Variants in CPLX4 observed in about 807,000 individuals in gnomAD.
CPLX4 encodes complexin 4.
In CPLX4, 17 loss-of-function variants were observed where a neutral mutation model predicts 16.1. That is an observed-to-expected ratio of 1.06 (90% CI 0.72 to 1.59). The LOEUF is 1.59. Among genes scored for constraint, CPLX4 ranks in the 40% most tolerant of loss-of-function variants. The pLI, the probability that CPLX4 is intolerant of heterozygous loss-of-function variation, is 0.00. For synonymous variants in CPLX4, 55 were observed against 57.8 expected (o/e 0.95, Z 0.22); for missense variants, 193 against 192.9 (o/e 1.00, Z 0.00).
intron 2 of CPLX4, among the ~76,000 whole-genome samples, chr18:59,305,838 C>A (rs1455145256): frequency 6.6e-6 from 1 of 152,138 alleles, no homozygotes; most frequent in Non-Finnish European, 1.5e-5. Flanking sequence ...AAGAGCCAGC[C>A]AAGGGGGCAC....
intron 2 of CPLX4, among the ~76,000 whole-genome samples, chr18:59,305,398 C>G (rs759885539): frequency 6.6e-6 from 1 of 152,068 alleles, no homozygotes; most frequent in African/African-American, 2.4e-5. Flanking sequence ...AGGAAAGAAA[C>G]AGGATCAGAT....
intron 2 of CPLX4, among the ~76,000 whole-genome samples, chr18:59,310,782 G>A (rs1201555928): frequency 6.6e-6 from 1 of 151,778 alleles, no homozygotes; most frequent in Admixed American, 6.6e-5. Flanking sequence ...TTCTATTGCT[G>A]CTGCATAAAT....
At position 59,312,723 on chromosome 18, in the gene CPLX4, G is replaced by T; in HGVS notation, c.217C>A (p.Leu73Ile). 1 of 1,472,194 alleles carries T rather than the reference G, an allele frequency of 6.8e-7. No homozygotes were observed. Among genetic ancestry groups the T allele is most frequent in the Non-Finnish European group, 9.5e-7 (1 of 1,050,878 alleles). 91.2% of individuals were successfully genotyped at this position (1,472,194 alleles called of 1,614,324 possible). Reference sequence around the variant, plus strand: ...TATTTTTCTCTGAGATGAACTCTGAGGCATGCCCTTTCTGCCTTTTTCTGT... The same window carrying T: ...TATTTTTCTCTGAGATGAACTCTGATGCATGCCCTTTCTGCCTTTTTCTGT... ...FTQKKAERAC[L>I]RVHLREKYRL... The change falls in exon 2 of 3, where the codon CTC becomes ATC. Residue 73 changes from leucine to isoleucine, a missense_variant. Transcript: ENST00000299721.
At chr18:59,317,875 T>C (rs1275839072) in intron 1 of CPLX4, among the ~76,000 whole-genome samples, 3 of 152,032 alleles carry the variant, frequency 2.0e-5, no homozygotes, top group Non-Finnish European at 2.9e-5. Context: ...TATGTTATTT[T>C]AGGCCCTTTT....
intron 2 of CPLX4, among the ~76,000 whole-genome samples, chr18:59,305,843 G>C (rs2070573081): frequency 6.6e-6 from 1 of 152,168 alleles, no homozygotes; most frequent in Non-Finnish European, 1.5e-5. Context: ...CCAGCCAAGG[G>C]GGCACCCCGG....
chr18:59,317,991 A>T (rs1436447931), intron 1 of CPLX4, among the ~76,000 whole-genome samples: 1 of 152,106 alleles, frequency 6.6e-6, no homozygotes, highest in African/African-American at 2.4e-5. Context: ...TTTTCATCTA[A>T]ATAATTAAAT....
At chr18:59,304,722 C>T (rs1021050404) in intron 2 of CPLX4, among the ~76,000 whole-genome samples, 1 of 152,140 alleles carries the variant, frequency 6.6e-6, no homozygotes, top group Non-Finnish European at 1.5e-5. Flanking sequence ...CAGGCATGCG[C>T]CACCATGCCC....
chr18:59,316,668 A>G (rs1034643415), intron 1 of CPLX4, among the ~76,000 whole-genome samples: 1 of 152,206 alleles, frequency 6.6e-6, no homozygotes, highest in African/African-American at 2.4e-5. Flanking sequence ...AAAGCTGAGT[A>G]GCTGACAACT....
At chr18:59,304,368 T>C (rs1309566545) in intron 2 of CPLX4, among the ~76,000 whole-genome samples, 2 of 152,236 alleles carry the variant, frequency 1.3e-5, no homozygotes, top group Non-Finnish European at 2.9e-5. Flanking sequence ...TTAGAAAGAA[T>C]CTTGTAGCTT....
chr18:59,300,962 G>T (rs543378804), intron 2 of CPLX4, among the ~76,000 whole-genome samples: 39 of 152,290 alleles, frequency 2.6e-4, no homozygotes, highest in African/African-American at 9.1e-4. Context: ...CCTCTTGTCA[G>T]GCCCGCCCCT....
chr18:59,299,860 G>C (rs2070528081), intron 2 of CPLX4, among the ~76,000 whole-genome samples: 1 of 152,194 alleles, frequency 6.6e-6, no homozygotes, highest in Non-Finnish European at 1.5e-5. Flanking sequence ...CACTGAATCA[G>C]AAACTCAGGG....
In CPLX4 at chr18:59,318,310, T is replaced by C. The variant is rs2070664367; in HGVS notation, c.153A>G (p.Gln51=). Reference sequence around the variant, plus strand: ...CATGTACTCACTTCTCCTCAATCATTTGCTTTTGATACTCCTCATACTCCT... The same window carrying C: ...CATGTACTCACTTCTCCTCAATCATCTGCTTTTGATACTCCTCATACTCCT... ...TREEYEEYQK[Q]MIEEKMERDA... The change falls in exon 1 of 3, where the codon CAA becomes CAG. Residue 51 remains glutamine, a synonymous_variant. Transcript: ENST00000299721. 6.2e-7 allele frequency: 1 copy of C among 1,607,676 alleles called. No individual in the cohort carries two copies. Among genetic ancestry groups the C allele is most frequent in the Non-Finnish European group, 8.5e-7 (1 of 1,177,908 alleles).
intron 2 of CPLX4, among the ~76,000 whole-genome samples, chr18:59,310,169 G>C (rs1407382584): frequency 6.6e-6 from 1 of 152,144 alleles, no homozygotes. Context: ...AGTAAGCCAT[G>C]CAATGAAAGA....
At chr18:59,318,214 A>G in intron 1 of CPLX4, 82 bp downstream of exon 1, 1 of 1,465,452 alleles carries the variant, frequency 6.8e-7, no homozygotes, top group South Asian at 1.7e-5. Flanking sequence ...AAGCAAAGAG[A>G]AATAAACTGG....
chr18:59,314,439 CAA>C (rs1400281950), intron 1 of CPLX4, among the ~76,000 whole-genome samples: 1 of 152,084 alleles, frequency 6.6e-6, no homozygotes. Flanking sequence ...ACATTTCCCC[CAA>C]ACTCTTCAAT....
At chr18:59,306,666 G>A (rs2070578529) in intron 2 of CPLX4, among the ~76,000 whole-genome samples, 1 of 152,180 alleles carries the variant, frequency 6.6e-6, no homozygotes, top group South Asian at 2.1e-4. Context: ...AATTTCTTTA[G>A]AAAATACAGT....
intron 1 of CPLX4, among the ~76,000 whole-genome samples, chr18:59,315,512 T>C (rs2070645558): frequency 6.6e-6 from 1 of 152,212 alleles, no homozygotes; most frequent in Non-Finnish European, 1.5e-5. Context: ...TTTTAACGTA[T>C]AAAAGTTTTT....
rs2070494589 is a variant in CPLX4, at chr18:59,295,689, T to C, written c.*1009A>G. The C allele has an allele frequency of 6.6e-6, 1 of 151,354 alleles. No homozygotes were observed. Among genetic ancestry groups the C allele is most frequent in the South Asian group, 2.1e-4 (1 of 4,794 alleles). 9.4% of individuals were successfully genotyped at this position (151,354 alleles called of 1,614,324 possible). On this transcript the variant is annotated 3_prime_UTR_variant, in exon 3 of 3. Transcript: ENST00000299721. ...ATTATTCCTTTTGAAAGAGAGCAGA[T>C]ATTAGGGGGGAAAAATCAGTGTCTA...
rs2070664117 is a variant in CPLX4, at chr18:59,318,296, T to G, written c.167A>C (p.Lys56Thr). 6.2e-7 allele frequency: 1 copy of G among 1,606,072 alleles called. No individual in the cohort carries two copies. The highest frequency in any genetic ancestry group is 1.1e-5 in the South Asian group (1 of 89,464). The change falls in exon 1 of 3, where the codon AAG becomes ACG. Residue 56 changes from lysine (K) to threonine (T), a missense_variant and splice_region_variant. Lys to Thr is a moderately conservative substitution (Grantham distance 78, BLOSUM62 -1). Coordinates refer to ENST00000299721, the MANE Select transcript of CPLX4 (RefSeq NM_181654.4). The part of the protein sequence containing the change: ...EEYQKQMIEE[K>T]MERDAAFTQK... ...GGGAAATGAAATAGCATGTACTCACTTCTCCTCAATCATTTGCTTTTGATA... is the reference window on the plus strand; with the variant it reads ...GGGAAATGAAATAGCATGTACTCACGTCTCCTCAATCATTTGCTTTTGATA...
Sources: gnomAD v4.1 joint callset for allele counts (sites outside exome capture counted in the v4.1 genomes callset) on GRCh38, gnomAD v4.1.1 for gene constraint, MANE v1.5 for transcripts, NCBI Gene and HGNC (gene_info 2026-07-23, HGNC 2026-07-21) for gene names.